The following ASTL variants were observed in gnomAD, a reference collection of about 807,000 sequenced individuals.
ASTL encodes astacin like metalloendopeptidase.
In ASTL, 27 loss-of-function variants were observed where a neutral mutation model predicts 36.7. That is an observed-to-expected ratio of 0.73 (90% CI 0.54 to 1.01). ASTL has a LOEUF of 1.01. Ranked by LOEUF, ASTL falls within the 50% of genes least tolerant of loss-of-function variation. The pLI is 0.00. For synonymous variants in ASTL, 222 were observed against 228.1 expected, an observed-to-expected ratio of 0.97 and a Z score of 0.24; for missense variants, 524 against 572.8, an observed-to-expected ratio of 0.91 and a Z score of 0.87.
At position 96,133,556 on chromosome 2, in the gene ASTL, C is replaced by CT; in HGVS notation, c.338-15_338-14insA. On this transcript the variant is annotated splice_polypyrimidine_tract_variant and intron_variant, in intron 4 of 8. Coordinates refer to ENST00000342380, the MANE Select transcript of ASTL (RefSeq NM_001002036.4). ...GGCTGGGCTCATCTGGAAGACACCA[C>CT]CTGGCTGAGCCCCCAGAGCCCTGGT... 6.3e-7 allele frequency: 1 copy of CT among 1,589,762 alleles called. No homozygotes were observed. Among genetic ancestry groups the CT allele is most frequent in the Non-Finnish European group, 8.6e-7 (1 of 1,157,870 alleles).
At chr2:96,135,487 T>A in intron 2 of ASTL, 75 bp from the exon 3 acceptor site, 3 of 1,304,722 alleles carry the variant, frequency 2.3e-6, no homozygotes, top group South Asian at 1.2e-5. Context: ...AGCAAATCCC[T>A]ACTTACTTAA....
At chr2:96,135,934 C>CT (rs1288227535) in intron 2 of ASTL, among the ~76,000 whole-genome samples, 1 of 152,182 alleles carries the variant, frequency 6.6e-6, no homozygotes, top group African/African-American at 2.4e-5. Context: ...GCCCTGGGGT[C>CT]TCCTGCCCAC....
chr2:96,126,932 C>T (rs1390427578), intron 8 of ASTL, among the ~76,000 whole-genome samples: 8 of 151,914 alleles, frequency 5.3e-5, no homozygotes, highest in Admixed American at 5.2e-4. Context: ...GCTGTATACC[C>T]AAAAGAAATG....
At chr2:96,130,792 C>A (rs1682162990) in intron 6 of ASTL, among the ~76,000 whole-genome samples, 1 of 152,226 alleles carries the variant, frequency 6.6e-6, no homozygotes, top group Non-Finnish European at 1.5e-5. Context: ...CACCTTCATA[C>A]CCCACCACCT....
intron 6 of ASTL, 85 bp from the exon 7 acceptor site, chr2:96,130,230 G>A: frequency 1.9e-6 from 2 of 1,079,132 alleles, no homozygotes; most frequent in Non-Finnish European, 2.8e-6. Context: ...GAGTCTTCTG[G>A]GAGCTCATAA....
rs777889105 is a variant in ASTL, at chr2:96,138,429, C to T, written c.8G>A (p.Gly3Asp). ME[G>D]VGGLWPWVLG... ...CACCCAAGGCCAGAGACCCCCTACA[C>T]CCTCCATGGTAGAGCCCTGCTGCCC... is the stretch of plus-strand genomic sequence containing the variant. The change falls in exon 1 of 9, where the codon GGT becomes GAT. Residue 3 changes from glycine (G) to aspartate (D), a missense_variant. Coordinates refer to ENST00000342380, the MANE Select transcript of ASTL (RefSeq NM_001002036.4). The T allele has an allele frequency of 3.7e-6, 6 of 1,610,232 alleles. No homozygotes were observed. The highest frequency in any genetic ancestry group is 5.1e-6 in the Non-Finnish European group (6 of 1,178,236).
At chr2:96,136,902 T>C (rs898244476) in intron 2 of ASTL, among the ~76,000 whole-genome samples, 6 of 152,174 alleles carry the variant, frequency 3.9e-5, no homozygotes, top group African/African-American at 1.4e-4. Flanking sequence ...TGGAGTGCAG[T>C]GGCGCAATCT....
chr2:96,130,588 A>T (rs1330901516), intron 6 of ASTL, among the ~76,000 whole-genome samples: 1 of 152,158 alleles, frequency 6.6e-6, no homozygotes, highest in African/African-American at 2.4e-5. Flanking sequence ...GTCCCCAGTC[A>T]CAGGCCCACC....
Position 96,132,084 on chromosome 2 carries a change from C to T in ASTL, c.637+456G>A, listed in dbSNP as rs925933559. On this transcript the variant is annotated intron_variant, in intron 6 of 8. Transcript: ENST00000342380. This position sits in a 1 kb window ranked among gnomAD's most constrained non-coding sequence, Gnocchi z 5.4. Reference sequence around the variant, plus strand: ...CAGCCCCACAGTGCTGCCCTCAGCCCGTGGCCCAGCACTTGGCTTGTGCAG... The same window carrying T: ...CAGCCCCACAGTGCTGCCCTCAGCCTGTGGCCCAGCACTTGGCTTGTGCAG... Among the ~76,000 whole-genome samples the T allele has an allele frequency of 1.3e-5, 2 of 152,242 alleles. No homozygotes were observed. The highest frequency in any genetic ancestry group is 1.5e-5 in the Non-Finnish European group (1 of 68,044).
chr2:96,137,686 C>G lies in ASTL; in HGVS notation c.70G>C (p.Ala24Pro), dbSNP rs752251902. 45 of 1,612,878 alleles carry G rather than the reference C, an allele frequency of 2.8e-5. No individual in the cohort carries two copies. Among genetic ancestry groups the G allele is most frequent in the Non-Finnish European group, 3.4e-5 (40 of 1,179,610 alleles). ...CCTGCGCAGCTGGAGGCCAGGGGCG[C>G]TCCTAGGATCACACCTGGTCCAGAC... is the stretch of plus-strand genomic sequence containing the variant. Reference protein sequence around the residue: ...LLSLPGVILGAPLASSCAGAC... With the variant: ...LLSLPGVILGPPLASSCAGAC... The change falls in exon 2 of 9, where the codon GCG (alanine) becomes CCG (proline). Residue 24 changes from alanine to proline, a missense_variant. Transcript: ENST00000342380.
Position 96,132,433 on chromosome 2 carries a change from G to GT in ASTL, c.637+106dup. On this transcript the variant is annotated intron_variant, in intron 6 of 8. Coordinates refer to ENST00000342380, the MANE Select transcript of ASTL (RefSeq NM_001002036.4). This position sits in a 1 kb window ranked among gnomAD's most constrained non-coding sequence, Gnocchi z 5.4. ...CACCTTCCCCACAGGAAGCAGGCAG[G>GT]TGATGGGGAGGATGGATAGCCTCAC... 1 of 1,003,414 alleles carries GT rather than the reference G, an allele frequency of 1.0e-6. No individual in the cohort carries two copies. The highest frequency in any genetic ancestry group is 1.4e-6 in the Non-Finnish European group (1 of 695,132). 62.2% of individuals were successfully genotyped at this position (1,003,414 alleles called of 1,614,324 possible).
intron 6 of ASTL, 88 bp from the exon 7 acceptor site, chr2:96,130,233 G>T: frequency 9.7e-7 from 1 of 1,031,302 alleles, no homozygotes; most frequent in Non-Finnish European, 1.5e-6. Flanking sequence ...TCTTCTGGGA[G>T]CTCATAACTC....
chr2:96,126,315 GAA>G (rs1291833364), intron 8 of ASTL, among the ~76,000 whole-genome samples: 1 of 152,186 alleles, frequency 6.6e-6, no homozygotes, highest in Admixed American at 6.5e-5. Context: ...TTACAACTCA[GAA>G]GAGAGAACCC....
In ASTL at chr2:96,123,231, A is replaced by G. The variant is rs1681992987; in HGVS notation, c.*619T>C. On this transcript the variant is annotated 3_prime_UTR_variant, in exon 9 of 9. Transcript: ENST00000342380. Reference sequence around the variant, plus strand: ...GGCCAGCTGAGGTTCCCATTGTGCAATCTGGTGGGGCCCCACTTCTTTCTC... The same window carrying G: ...GGCCAGCTGAGGTTCCCATTGTGCAGTCTGGTGGGGCCCCACTTCTTTCTC... Among the ~76,000 whole-genome samples the G allele has an allele frequency of 6.6e-6, 1 of 152,162 alleles. No homozygotes were observed. The highest frequency in any genetic ancestry group is 1.5e-5 in the Non-Finnish European group (1 of 68,008).
chr2:96,126,779 C>G (rs1227076392), intron 8 of ASTL, among the ~76,000 whole-genome samples: 1 of 151,912 alleles, frequency 6.6e-6, no homozygotes, highest in Non-Finnish European at 1.5e-5. Flanking sequence ...TTGCTTGAAC[C>G]CTGGAGGTGG....
chr2:96,137,616 G>T lies in ASTL; in HGVS notation c.140C>A (p.Thr47Asn), dbSNP rs754481406. 84 of 1,613,858 alleles carry T rather than the reference G, an allele frequency of 5.2e-5. No homozygotes were observed. The East Asian group carries it at 1.8e-3, about 35-fold the overall frequency. ...SFPDGLTPEG[T>N]QASGDKDIPA... ...AATGTCCTTGTCCCCGGAGGCCTGGGTTCCCTCAGGGGTGAGGCCATCTGG... is the reference window on the plus strand; with the variant it reads ...AATGTCCTTGTCCCCGGAGGCCTGGTTTCCCTCAGGGGTGAGGCCATCTGG... Residue 47 changes from threonine to asparagine, a missense_variant, in exon 2 of 9, where the codon ACC (threonine) becomes AAC (asparagine). Coordinates refer to ENST00000342380, the MANE Select transcript of ASTL (RefSeq NM_001002036.4).
chr2:96,132,409 A>G lies in ASTL; in HGVS notation c.637+131T>C. The G allele has an allele frequency of 3.7e-6, 3 of 816,984 alleles. No individual in the cohort carries two copies. Among genetic ancestry groups the G allele is most frequent in the Non-Finnish European group, 5.6e-6 (3 of 536,866 alleles). 50.6% of individuals were successfully genotyped at this position (816,984 alleles called of 1,614,324 possible). Reference sequence around the variant, plus strand: ...GGTACCAGACAGAAGTGAGACCCCCACCTTCCCCACAGGAAGCAGGCAGGT... The same window carrying G: ...GGTACCAGACAGAAGTGAGACCCCCGCCTTCCCCACAGGAAGCAGGCAGGT... On this transcript the variant is annotated intron_variant, in intron 6 of 8. Transcript: ENST00000342380. This position sits in a 1 kb window ranked among gnomAD's most constrained non-coding sequence, Gnocchi z 5.4.
At chr2:96,136,979 G>A (rs1682313374) in intron 2 of ASTL, among the ~76,000 whole-genome samples, 1 of 152,274 alleles carries the variant, frequency 6.6e-6, no homozygotes, top group Admixed American at 6.5e-5. Context: ...TGAGTAGCTG[G>A]GACTACAGGC....
rs770077630 is a variant in ASTL, at chr2:96,123,808, G to A, written c.*42C>T. ...AGAGGTAGACGACCCAGCTCCACTG[G>A]GCAGAGGATGCCCTCCCTACTTGGG... On this transcript the variant is annotated 3_prime_UTR_variant, in exon 9 of 9. Transcript: ENST00000342380. 2.0e-5 allele frequency: 31 copies of A among 1,560,418 alleles called. No homozygotes were observed. The African/African-American group carries it at 3.9e-4, about 20-fold the overall frequency.
Sources: allele counts gnomAD v4.1 joint callset (sites outside exome capture counted in the v4.1 genomes callset), GRCh38; gene constraint gnomAD v4.1.1; non-coding constraint Gnocchi (gnomAD v3.1); transcripts MANE v1.5; gene names NCBI Gene and HGNC (gene_info 2026-07-23, HGNC 2026-07-21).